The following DMD variants were observed in gnomAD, a reference collection of about 807,000 sequenced individuals.
The protein encoded by DMD is dystrophin, also known as mutant dystrophin.
DMD carries 63 observed loss-of-function variants against 330.1 expected under a neutral mutation model. The observed-to-expected ratio is 0.19, with a 90% confidence interval of 0.16 to 0.24. The LOEUF (loss-of-function observed/expected upper bound fraction) is 0.24. Among genes scored for constraint, DMD ranks in the 10% least tolerant of loss-of-function variants. DMD has a pLI of 1.00. For synonymous variants in DMD, 1,223 were observed against 959.8 expected, an observed-to-expected ratio of 1.27 and a Z score of -5.07; for missense variants, 3,344 against 2,684.1, an observed-to-expected ratio of 1.25 and a Z score of -5.43.
At chrX:32,018,670 T>C (rs1323261795) in intron 44 of DMD, among the ~76,000 whole-genome samples, 1 of 111,616 alleles carries the variant, frequency 9.0e-6, no homozygotes, top group African/African-American at 3.3e-5. Context: ...TCGGCATATA[T>C]AGTTCCAGAG....
At chrX:33,221,216 T>A (rs1001052774) in intron 1 of DMD, among the ~76,000 whole-genome samples, 67 of 111,531 alleles carry the variant, frequency 6.0e-4, no homozygotes, top group Middle Eastern at 4.7e-3. Flanking sequence ...AGATATGAGC[T>A]AACAACTTCA....
chrX:32,691,519 T>A (rs893054454), intron 9 of DMD, among the ~76,000 whole-genome samples: 1 of 111,283 alleles, frequency 9.0e-6, no homozygotes, highest in Admixed American at 9.6e-5. Context: ...AATGGATTAG[T>A]AAGGATGTGG....
intron 29 of DMD, among the ~76,000 whole-genome samples, chrX:32,434,107 CA>C (rs1412260706): frequency 8.9e-6 from 1 of 112,087 alleles, no homozygotes; most frequent in Non-Finnish European, 1.9e-5. Flanking sequence ...TATTCATAGG[CA>C]ATAAAAGTCT....
At chrX:32,370,569 C>T (rs1300543937) in intron 34 of DMD, among the ~76,000 whole-genome samples, 3 of 110,403 alleles carry the variant, frequency 2.7e-5, no homozygotes, top group African/African-American at 9.8e-5. Flanking sequence ...ATAGTGACTC[C>T]AATGGCATGT....
chrX:32,593,793 T>G (rs902789426), intron 13 of DMD, among the ~76,000 whole-genome samples: 2 of 112,340 alleles, frequency 1.8e-5, no homozygotes, highest in African/African-American at 6.5e-5. Context: ...TTATAAAATT[T>G]AGTTTATAAA....
At chrX:31,988,012 G>T (rs141992614) in intron 44 of DMD, among the ~76,000 whole-genome samples, 2,432 of 111,783 alleles carry the variant, frequency 0.022, 29 homozygotes, top group Non-Finnish European at 0.035. Flanking sequence ...TCATATAAAA[G>T]AATAAAATCC....
At chrX:32,668,453 C>A (rs1219816845) in intron 9 of DMD, among the ~76,000 whole-genome samples, 1 of 111,749 alleles carries the variant, frequency 8.9e-6, no homozygotes, top group African/African-American at 3.3e-5. Flanking sequence ...CATGAGAAAT[C>A]ATGTTTTTGA....
intron 13 of DMD, among the ~76,000 whole-genome samples, chrX:32,575,603 T>G (rs1002002312): frequency 8.9e-6 from 1 of 112,455 alleles, no homozygotes; most frequent in Admixed American, 9.4e-5. Context: ...AAAACATACT[T>G]GCATTTTTTT....
intron 60 of DMD, among the ~76,000 whole-genome samples, chrX:31,413,193 C>T (rs1231975976): frequency 8.9e-6 from 1 of 111,803 alleles, no homozygotes; most frequent in Non-Finnish European, 1.9e-5. Flanking sequence ...TTAATGCAAT[C>T]TAATACTGTA....
chrX:32,047,999 A>G (rs2096075560), intron 44 of DMD, among the ~76,000 whole-genome samples: 1 of 107,446 alleles, frequency 9.3e-6, no homozygotes, highest in Non-Finnish European at 1.9e-5. Context: ...ATAATTTATA[A>G]CATCTTCAGT....
chrX:32,308,091 G>A (rs905132468), intron 42 of DMD, among the ~76,000 whole-genome samples: 14 of 109,239 alleles, frequency 1.3e-4, no homozygotes, highest in Non-Finnish European at 2.1e-4. Flanking sequence ...ATATATATAC[G>A]TATATATATA....
At chrX:32,510,999 T>G (rs1276675363) in intron 18 of DMD, among the ~76,000 whole-genome samples, 1 of 110,196 alleles carries the variant, frequency 9.1e-6, no homozygotes, top group Non-Finnish European at 1.9e-5. Flanking sequence ...TGTACATATA[T>G]GTACATACAC....
At chrX:31,490,284 C>T (rs2069159637) in intron 57 of DMD, among the ~76,000 whole-genome samples, 1 of 112,151 alleles carries the variant, frequency 8.9e-6, no homozygotes, top group South Asian at 3.7e-4. Flanking sequence ...TCACTCTGGC[C>T]GGGCGCGGTG....
In DMD at chrX:32,320,445, A is replaced by T. The variant is rs183366789; in HGVS notation, c.5923-10169T>A. Among the ~76,000 whole-genome samples the T allele has an allele frequency of 6.7e-3, 748 of 111,853 alleles. 8 individuals are homozygous for T. Among genetic ancestry groups the T allele is most frequent in the African/African-American group, 0.023 (726 of 30,931 alleles). ...GCAAATACAATTAAAAACTTAGTAC[A>T]TCTGTTTTTACTAGCCATGTTTTAA... is the stretch of plus-strand genomic sequence containing the variant. On this transcript the variant is annotated intron_variant, in intron 41 of 78. Coordinates refer to ENST00000357033, the MANE Select transcript of DMD (RefSeq NM_004006.3).
At chrX:32,542,263 T>C (rs780076827) in intron 17 of DMD, among the ~76,000 whole-genome samples, 1 of 111,040 alleles carries the variant, frequency 9.0e-6, no homozygotes, top group Non-Finnish European at 1.9e-5. Flanking sequence ...ACCCTGTCTC[T>C]ACTAAAAAAT....
intron 76 of DMD, among the ~76,000 whole-genome samples, chrX:31,141,237 A>AAC (rs770172375): frequency 3.5e-4 from 37 of 105,990 alleles, no homozygotes; most frequent in African/African-American, 1.3e-3. Flanking sequence ...ACAACAACAA[A>AAC]ACCAGAATGA....
At chrX:32,653,851 T>A (rs1415028306) in intron 9 of DMD, among the ~76,000 whole-genome samples, 1 of 112,048 alleles carries the variant, frequency 8.9e-6, no homozygotes, top group East Asian at 2.8e-4. Context: ...TGGTTTGTAG[T>A]TCTCCTTGAA....
chrX:33,026,323 A>C, intron 1 of DMD, among the ~76,000 whole-genome samples: 1 of 74,610 alleles, frequency 1.3e-5, no homozygotes, highest in African/African-American at 5.9e-5. Flanking sequence ...CAAAAAAAAA[A>C]AAAAAAAAAA....
At chrX:33,096,466 G>A (rs763850409) in intron 1 of DMD, among the ~76,000 whole-genome samples, 4 of 109,498 alleles carry the variant, frequency 3.7e-5, no homozygotes, top group African/African-American at 1.3e-4. Flanking sequence ...GAGATAATGC[G>A]ATCTGTTTGA....
Sources: gnomAD v4.1 joint callset for allele counts (sites outside exome capture counted in the v4.1 genomes callset) on GRCh38, gnomAD v4.1.1 for gene constraint, MANE v1.5 for transcripts, NCBI Gene and HGNC (gene_info 2026-07-23, HGNC 2026-07-21) for gene names.